The following TXNL4A variants were observed in gnomAD, a reference collection of about 807,000 sequenced individuals.
The protein encoded by TXNL4A is thioredoxin-like protein 4A.
A neutral mutation model predicts 14.6 loss-of-function variants in TXNL4A; 17 were observed. The observed-to-expected ratio is 1.16, with a 90% confidence interval of 0.80 to 1.74. The LOEUF is 1.74. Ranked by LOEUF, TXNL4A falls within the 40% of genes most tolerant of loss-of-function variation. The probability of loss-of-function intolerance (pLI) is 0.00; values close to 1 mark genes in which losing one functional copy is unlikely to be tolerated. For synonymous variants in TXNL4A, 83 were observed against 70.6 expected (o/e 1.18, Z -0.88); for missense variants, 74 against 195.2 (o/e 0.38, Z 3.70).
rs1387947288 is a variant in TXNL4A, at chr18:79,993,723, T to G, written c.-60-16022A>C. ...TTCTAAAGAAATAAGAGCACTTTAC[T>G]CCCCTCAGCCTTTCGGGGCATTCTT... On this transcript the variant is annotated intron_variant, in intron 1 of 2. Coordinates refer to the TXNL4A transcript ENST00000585474. This position sits in a 1 kb window ranked among gnomAD's most constrained non-coding sequence, Gnocchi z 4.4. Among the ~76,000 whole-genome samples the G allele has an allele frequency of 6.6e-6, 1 of 152,174 alleles. No individual in the cohort carries two copies. Among genetic ancestry groups the G allele is most frequent in the African/African-American group, 2.4e-5 (1 of 41,434 alleles).
chr18:79,972,279 T>C lies in TXNL4A; in HGVS notation c.*1406A>G, dbSNP rs1343795752. ...GAGAAGGTACCCTGCCCAAGGTCAC[T>C]TGGTGGGGCAGAGCCTGGGTCTGAG... is the stretch of plus-strand genomic sequence containing the variant. On this transcript the variant is annotated 3_prime_UTR_variant, in exon 3 of 3. Transcript: ENST00000269601. 1 of 152,216 alleles carries C rather than the reference T, an allele frequency of 6.6e-6. No homozygotes were observed. Among genetic ancestry groups the C allele is most frequent in the African/African-American group, 2.4e-5 (1 of 41,428 alleles). 9.4% of individuals were successfully genotyped at this position (152,216 alleles called of 1,614,324 possible). A position where few individuals can be genotyped will look rare whatever the true frequency, so the allele number is the denominator to read the frequency against.
At chr18:80,032,293 G>T (rs1174517331) in intron 1 of TXNL4A, among the ~76,000 whole-genome samples, 1 of 152,104 alleles carries the variant, frequency 6.6e-6, no homozygotes, top group Non-Finnish European at 1.5e-5. Flanking sequence ...GCAACCTGAG[G>T]CCAGGAACCC....
intron 1 of TXNL4A, among the ~76,000 whole-genome samples, chr18:80,026,698 C>T (rs1199485084): frequency 1.3e-5 from 2 of 151,468 alleles, no homozygotes; most frequent in Non-Finnish European, 2.9e-5. Context: ...GGTTCAGCTC[C>T]CCCACCACAG....
intron 1 of TXNL4A, among the ~76,000 whole-genome samples, chr18:80,007,204 A>G (rs11659148): frequency 0.78 from 117,911 of 152,120 alleles, 46,617 homozygotes; most frequent in East Asian, 0.91. Context: ...AGGACGAGCC[A>G]CAGACAAAAC....
rs1371722341 is a variant in TXNL4A at position 80,011,232 on chromosome 18, C to T, written c.-61+22619G>A. On this transcript the variant is annotated intron_variant, in intron 1 of 2. Coordinates refer to the TXNL4A transcript ENST00000585474. The surrounding 1 kb of genome is among the most constrained non-coding windows in gnomAD (Gnocchi z 4.1). ...GCTAACCAGGCCCAAAACCAAGACT[C>T]GAATTTATTAAAAAGGGATTGTAGC... Among the ~76,000 whole-genome samples, 1 of 152,046 alleles carries T rather than the reference C, an allele frequency of 6.6e-6. No individual in the cohort carries two copies. Among genetic ancestry groups the T allele is most frequent in the South Asian group, 2.1e-4 (1 of 4,822 alleles).
intron 1 of TXNL4A, among the ~76,000 whole-genome samples, chr18:79,998,325 A>C (rs893203676): frequency 6.6e-6 from 1 of 152,126 alleles, no homozygotes; most frequent in Admixed American, 6.6e-5. Flanking sequence ...CTGGATACCA[A>C]ATTTCTTCCT....
At chr18:80,015,263 T>A (rs555499238) in intron 1 of TXNL4A, among the ~76,000 whole-genome samples, 4 of 151,868 alleles carry the variant, frequency 2.6e-5, no homozygotes, top group Non-Finnish European at 5.9e-5. Flanking sequence ...AAAAAAAAAA[T>A]GGACTTTTCT....
Position 80,016,523 on chromosome 18 carries a change from T to C in TXNL4A, c.-61+17328A>G, listed in dbSNP as rs560805647. Among the ~76,000 whole-genome samples, 171 of 152,250 alleles carry C rather than the reference T, an allele frequency of 1.1e-3. 1 individual carries two copies. Among genetic ancestry groups the C allele is most frequent in the African/African-American group, 3.6e-3 (151 of 41,556 alleles). ...CTAACTTTTAAGTCTTTAATCCATC[T>C]TGAATTAATTTTTGTATAAGGTGTA... On this transcript the variant is annotated intron_variant, in intron 1 of 2. Coordinates refer to the TXNL4A transcript ENST00000585474.
rs2051312556 is a variant in TXNL4A at position 79,972,481 on chromosome 18, T to C, written c.*1204A>G. 6.6e-6 allele frequency: 1 copy of C among 151,398 alleles called. No individual in the cohort carries two copies. Among genetic ancestry groups the C allele is most frequent in the African/African-American group, 2.5e-5 (1 of 40,486 alleles). 9.4% of individuals were successfully genotyped at this position (151,398 alleles called of 1,614,324 possible). A position where few individuals can be genotyped will look rare whatever the true frequency, so the allele number is the denominator to read the frequency against. On this transcript the variant is annotated 3_prime_UTR_variant, in exon 3 of 3. Transcript: ENST00000269601. ...AATAAGGACATTTTCTTTTCTTTTT[T>C]TGAGACGGAGTCTTGCTCTGTTGCC...
chr18:80,019,106 C>T (rs148393656), intron 1 of TXNL4A, among the ~76,000 whole-genome samples: 209 of 152,334 alleles, frequency 1.4e-3, no homozygotes, highest in African/African-American at 4.8e-3. Flanking sequence ...CTGCCTGTTA[C>T]CTAGTTCCAA....
At chr18:80,010,461 C>G (rs1327574388) in intron 1 of TXNL4A, among the ~76,000 whole-genome samples, 1 of 152,010 alleles carries the variant, frequency 6.6e-6, no homozygotes, top group Non-Finnish European at 1.5e-5. Context: ...GCTGAAGTGA[C>G]AGCTTGGCCT....
intron 1 of TXNL4A, among the ~76,000 whole-genome samples, chr18:80,008,778 T>G (rs921935255): frequency 1.3e-5 from 2 of 151,962 alleles, no homozygotes; most frequent in African/African-American, 4.8e-5. Flanking sequence ...CATTTTTCTT[T>G]CTTTCTTTCT....
At chr18:80,025,761 G>A (rs55921020) in intron 1 of TXNL4A, among the ~76,000 whole-genome samples, 43,692 of 152,072 alleles carry the variant, frequency 0.29, 6,720 homozygotes, top group Non-Finnish European at 0.35. Context: ...CCACATGTTG[G>A]TCTCAGAAGC....
In TXNL4A at chr18:79,971,254, G is replaced by A. The variant is rs1264491320; in HGVS notation, c.*2431C>T. The A allele has an allele frequency of 1.3e-5, 2 of 152,228 alleles. No individual in the cohort carries two copies. The allele number at this position is 152,228 out of a possible 1,614,324, so 9.4% of individuals were successfully genotyped here. ...TTTCCACATTTTGGCTTCTGTGTAC[G>A]AGTTTCTATGTGGACATATGCGTTC... On this transcript the variant is annotated 3_prime_UTR_variant, in exon 3 of 3. Coordinates refer to ENST00000269601, the MANE Select transcript of TXNL4A (RefSeq NM_006701.5).
intron 1 of TXNL4A, among the ~76,000 whole-genome samples, chr18:80,024,188 A>G (rs1006586821): frequency 3.5e-4 from 31 of 87,456 alleles, no homozygotes; most frequent in African/African-American, 8.5e-4. Flanking sequence ...TTCACTGTTT[A>G]AAAAAAAAAA....
At chr18:79,995,927 C>T (rs965017710) in intron 1 of TXNL4A, among the ~76,000 whole-genome samples, 4 of 151,732 alleles carry the variant, frequency 2.6e-5, no homozygotes, top group African/African-American at 4.8e-5. Context: ...ATGGTGAAAC[C>T]CCGTCTCTAC....
At chr18:79,973,966 T>G in intron 2 of TXNL4A, 110 bp from the exon 3 acceptor site, 1 of 1,451,124 alleles carries the variant, frequency 6.9e-7, no homozygotes, top group East Asian at 2.3e-5. Context: ...TTAACATCAC[T>G]GAAGAACGCA....
chr18:80,000,752 C>G (rs994637420), intron 1 of TXNL4A, among the ~76,000 whole-genome samples: 7 of 152,122 alleles, frequency 4.6e-5, no homozygotes, highest in African/African-American at 1.4e-4. Context: ...TTCCTGGGTT[C>G]AAGCAATTCT....
chr18:80,005,267 T>C (rs2051722314), intron 1 of TXNL4A, among the ~76,000 whole-genome samples: 1 of 152,212 alleles, frequency 6.6e-6, no homozygotes. Context: ...CAGATGCCAG[T>C]GGTGGCCCCT....
Sources: gnomAD v4.1 joint callset for allele counts (sites outside exome capture counted in the v4.1 genomes callset) on GRCh38, gnomAD v4.1.1 for gene constraint, Gnocchi (gnomAD v3.1) non-coding constraint, MANE v1.5 for transcripts, NCBI Gene and HGNC (gene_info 2026-07-23, HGNC 2026-07-21) for gene names.